The following OXNAD1 variants were observed in gnomAD, a reference collection of about 807,000 sequenced individuals.
OXNAD1 encodes oxidoreductase NAD binding domain containing 1.
OXNAD1 carries 34 observed loss-of-function variants against 32.9 expected under a neutral mutation model. The observed-to-expected ratio is 1.03, with a 90% CI of 0.79 to 1.38. The LOEUF (loss-of-function observed/expected upper bound fraction) is 1.38. Ranked by LOEUF, OXNAD1 falls within the 40% of genes most tolerant of loss-of-function variation. The probability of loss-of-function intolerance (pLI) is 0.00; values close to 1 mark genes in which losing one functional copy is unlikely to be tolerated. For synonymous variants in OXNAD1, 134 were observed against 135.2 expected (o/e 0.99, Z 0.06); for missense variants, 407 against 379.4 (o/e 1.07, Z -0.60).
chr3:16,351,731 T>C (rs1431294535), downstream of OXNAD1, among the ~76,000 whole-genome samples: 5 of 152,318 alleles, frequency 3.3e-5, no homozygotes, highest in East Asian at 9.6e-4. The surrounding 1 kb of genome is among the most constrained non-coding windows in gnomAD (Gnocchi z 5.4). Flanking sequence ...ATTTAAATGA[T>C]TTAAAAGCAT....
chr3:16,308,869 G>A (rs1340444886), downstream of OXNAD1, among the ~76,000 whole-genome samples: 2 of 152,076 alleles, frequency 1.3e-5, no homozygotes, highest in African/African-American at 4.8e-5. This position sits in a 1 kb window ranked among gnomAD's most constrained non-coding sequence, Gnocchi z 4.4. Context: ...AGCATAACAA[G>A]ATTTTATCTC....
At position 16,329,403 on chromosome 3, in the gene OXNAD1, GA is replaced by G. The variant is rs957866209; in HGVS notation, c.*31-7706del. 9.2e-5 allele frequency among the ~76,000 whole-genome samples: 14 copies of G among 152,124 alleles called. No individual in the cohort carries two copies. The highest frequency in any genetic ancestry group is 1.9e-4 in the Non-Finnish European group (13 of 68,022). Reference sequence around the variant, plus strand: ...AGGCGGAAGGGAGGAGGGAAGGGAGGAAAGGAGAGAGAGGTACAAGAATAAT... The same window carrying G: ...AGGCGGAAGGGAGGAGGGAAGGGAGGAAGGAGAGAGAGGTACAAGAATAAT... On this transcript the variant is annotated intron_variant, in intron 9 of 9. Transcript: ENST00000435829. This position sits in a 1 kb window ranked among gnomAD's most constrained non-coding sequence, Gnocchi z 4.5.
At position 16,337,001 on chromosome 3, in the gene OXNAD1, T is replaced by A. The variant is rs1416249498; in HGVS notation, c.*31-111T>A. On this transcript the variant is annotated intron_variant, in intron 9 of 9. Transcript: ENST00000435829. The surrounding 1 kb of genome is among the most constrained non-coding windows in gnomAD (Gnocchi z 5.0). ...AGAGTCCCTCTGGTCACCCCTTGAA[T>A]CTTGGCTGGTCTTGGGACTTGCTCT... The A allele has an allele frequency of 1.3e-5, 2 of 152,202 alleles. No individual in the cohort carries two copies. Among genetic ancestry groups the A allele is most frequent in the Non-Finnish European group, 2.9e-5 (2 of 68,068 alleles). The allele number at this position is 152,202 out of a possible 1,614,324, so 9.4% of individuals were successfully genotyped here. A position where few individuals can be genotyped will look rare whatever the true frequency, so the allele number is the denominator to read the frequency against.
rs1229732907 is a variant in OXNAD1 at position 16,327,832 on chromosome 3, C to T, written c.*31-9280C>T. Among the ~76,000 whole-genome samples, 1 of 152,168 alleles carries T rather than the reference C, an allele frequency of 6.6e-6. No homozygotes were observed. The highest frequency in any genetic ancestry group is 1.5e-5 in the Non-Finnish European group (1 of 68,018). On this transcript the variant is annotated intron_variant, in intron 9 of 9. Coordinates refer to the OXNAD1 transcript ENST00000435829. This position sits in a 1 kb window ranked among gnomAD's most constrained non-coding sequence, Gnocchi z 4.2. ...AGGGAGAGAGCCCTGATGTGAGGCC[C>T]CTGCACTGGCTTCCACCTCTGCAGG...
chr3:16,313,397 C>T (rs1308854509), intron 9 of OXNAD1, among the ~76,000 whole-genome samples: 3 of 151,812 alleles, frequency 2.0e-5, no homozygotes, highest in Non-Finnish European at 4.4e-5. Flanking sequence ...GCTGGGAGTC[C>T]CTGAAGCTTT....
At chr3:16,330,400 G>A (rs1193211853) in intron 9 of OXNAD1, among the ~76,000 whole-genome samples, 1 of 152,190 alleles carries the variant, frequency 6.6e-6, no homozygotes, top group Non-Finnish European at 1.5e-5. Flanking sequence ...GCCTGTCAGT[G>A]AAAGACACTT....
chr3:16,272,334 A>T, intron 4 of OXNAD1: 1 of 236,504 alleles, frequency 4.2e-6, no homozygotes, highest in Non-Finnish European at 8.6e-6. Context: ...GAGTAACCCC[A>T]TTTTTGTTTA....
chr3:16,304,335 T>C lies in OXNAD1; in HGVS notation c.*773T>C, dbSNP rs2067394816. The C allele has an allele frequency of 5.3e-5, 8 of 152,256 alleles. No individual in the cohort carries two copies. The highest frequency in any genetic ancestry group is 5.2e-4 in the Admixed American group (8 of 15,278). The allele number at this position is 152,256 out of a possible 1,614,324, so 9.4% of individuals were successfully genotyped here. ...TGCCTGGGCTGGCTTGCTATGGAAA[T>C]GTGCTTAGCATTGATTAGGGGGTAG... is the stretch of plus-strand genomic sequence containing the variant. On this transcript the variant is annotated 3_prime_UTR_variant, in exon 9 of 9. Coordinates refer to ENST00000285083, the MANE Select transcript of OXNAD1 (RefSeq NM_138381.5). The surrounding 1 kb of genome is among the most constrained non-coding windows in gnomAD (Gnocchi z 4.6).
downstream of OXNAD1, among the ~76,000 whole-genome samples, chr3:16,306,663 A>G (rs2067585293): frequency 6.6e-6 from 1 of 152,162 alleles, no homozygotes. Context: ...AGGCTTTCCC[A>G]CATTTTGAAC....
In OXNAD1 at chr3:16,298,857, C is replaced by T. The variant is rs1480909516; in HGVS notation, c.433-2769C>T. Reference sequence around the variant, plus strand: ...TTGCTGTGTAATTGAAGGTAATGTCCTTTTATTCACTTACATATTACAGTG... The same window carrying T: ...TTGCTGTGTAATTGAAGGTAATGTCTTTTTATTCACTTACATATTACAGTG... On this transcript the variant is annotated intron_variant, in intron 6 of 8. Transcript: ENST00000285083. This position sits in a 1 kb window ranked among gnomAD's most constrained non-coding sequence, Gnocchi z 5.1. 6.6e-6 allele frequency among the ~76,000 whole-genome samples: 1 copy of T among 152,076 alleles called. No homozygotes were observed. Among genetic ancestry groups the T allele is most frequent in the Non-Finnish European group, 1.5e-5 (1 of 68,016 alleles).
chr3:16,313,205 ATTTTT>A (rs750491540), intron 9 of OXNAD1, among the ~76,000 whole-genome samples: 36 of 103,806 alleles, frequency 3.5e-4, no homozygotes, highest in African/African-American at 1.5e-3. Context: ...CACCCAGCGG[ATTTTT>A]TTTTTTTTTT....
intron 9 of OXNAD1, among the ~76,000 whole-genome samples, chr3:16,324,600 C>A (rs2069469326): frequency 2.2e-5 from 3 of 137,544 alleles, no homozygotes; most frequent in East Asian, 2.1e-4. Context: ...TAATAAATAA[C>A]AGAATGTCCC....
intron 4 of OXNAD1, among the ~76,000 whole-genome samples, chr3:16,282,227 G>C (rs879787690): frequency 2.0e-5 from 3 of 151,530 alleles, no homozygotes; most frequent in Non-Finnish European, 4.4e-5. Flanking sequence ...TTTGTAATAA[G>C]ATACTTAAAA....
chr3:16,317,953 C>G lies in OXNAD1; in HGVS notation c.*30+14361C>G, dbSNP rs2068602848. On this transcript the variant is annotated intron_variant, in intron 9 of 9. Transcript: ENST00000435829. The surrounding 1 kb of genome is among the most constrained non-coding windows in gnomAD (Gnocchi z 4.3). Reference sequence around the variant, plus strand: ...GACTGCATCACAGCCCAAATTCTCCCTCTGCCCGCTACTGTACCGACAAGT... The same window carrying G: ...GACTGCATCACAGCCCAAATTCTCCGTCTGCCCGCTACTGTACCGACAAGT... Among the ~76,000 whole-genome samples, 1 of 152,198 alleles carries G rather than the reference C, an allele frequency of 6.6e-6. No homozygotes were observed. Among genetic ancestry groups the G allele is most frequent in the Non-Finnish European group, 1.5e-5 (1 of 68,046 alleles).
chr3:16,278,422 G>A (rs780924222), intron 4 of OXNAD1, among the ~76,000 whole-genome samples: 4 of 152,100 alleles, frequency 2.6e-5, no homozygotes, highest in Non-Finnish European at 5.9e-5. Context: ...GGACATGTAG[G>A]GATTTTAATT....
At chr3:16,286,596 C>T in intron 5 of OXNAD1, 148 bp downstream of exon 5, 1 of 686,670 alleles carries the variant, frequency 1.5e-6, no homozygotes, top group South Asian at 1.9e-5. Flanking sequence ...CCTTTGTTGG[C>T]ACAGAGGATC....
chr3:16,270,724 A>G (rs1240959969), intron 2 of OXNAD1, among the ~76,000 whole-genome samples: 1 of 152,190 alleles, frequency 6.6e-6, no homozygotes, highest in Non-Finnish European at 1.5e-5. Context: ...ACCAAAAATT[A>G]CATACTTATA....
At position 16,268,313 on chromosome 3, in the gene OXNAD1, CTTTTTTTTT is replaced by C. The variant is rs531751365; in HGVS notation, c.-158-788_-158-780del. ...AATCTTAGGATTTTAAAGAGAACTC[CTTTTTTTTT>C]TTTTTTTTTTTTTTTTTTTTTTTTG... is the stretch of plus-strand genomic sequence containing the variant. On this transcript the variant is annotated intron_variant, in intron 1 of 8. Coordinates refer to ENST00000285083, the MANE Select transcript of OXNAD1 (RefSeq NM_138381.5). Among the ~76,000 whole-genome samples the C allele has an allele frequency of 1.4e-3, 85 of 61,002 alleles. 1 individual carries two copies. The highest frequency in any genetic ancestry group is 3.7e-3 in the African/African-American group (75 of 20,406). 40.0% of individuals were successfully genotyped at this position (61,002 alleles called of 152,430 possible).
chr3:16,265,904 C>T lies in OXNAD1; in HGVS notation c.-159+399C>T. On this transcript the variant is annotated intron_variant, in intron 1 of 8. Transcript: ENST00000285083. This position sits in a 1 kb window ranked among gnomAD's most constrained non-coding sequence, Gnocchi z 4.8. ...TTGTGAAAGAAATGGTGTCAGTAGG[C>T]AGGTTTATCAGTGTGAGGCCTATGT... 3 of 985,048 alleles carry T rather than the reference C, an allele frequency of 3.0e-6. No homozygotes were observed. The highest frequency in any genetic ancestry group is 3.6e-6 in the Non-Finnish European group (3 of 829,618). The allele number at this position is 985,048 out of a possible 1,614,324, so 61.0% of individuals were successfully genotyped here.
Sources: allele counts gnomAD v4.1 joint callset (sites outside exome capture counted in the v4.1 genomes callset), GRCh38; gene constraint gnomAD v4.1.1; non-coding constraint Gnocchi (gnomAD v3.1); transcripts MANE v1.5; gene names NCBI Gene and HGNC (gene_info 2026-07-23, HGNC 2026-07-21).